The following MSRB3 variants were observed in gnomAD, a reference collection of about 807,000 sequenced individuals.
The protein encoded by MSRB3 is methionine sulfoxide reductase B3.
Under a neutral mutation model 21.0 loss-of-function variants are expected in MSRB3, and 13 were observed. The ratio of observed to expected loss-of-function variants is 0.62; its 90% CI spans 0.40 to 0.98. The LOEUF (loss-of-function observed/expected upper bound fraction) is 0.98. Among genes scored for constraint, MSRB3 ranks in the 50% least tolerant of loss-of-function variants. MSRB3 has a pLI of 0.00. For missense variants in MSRB3, 199 were observed against 230.3 expected, an observed-to-expected ratio of 0.86 and a Z score of 0.88; for synonymous variants, 87 against 88.6, an observed-to-expected ratio of 0.98 and a Z score of 0.10.
At chr12:65,445,591 G>A (rs867156473) in intron 5 of MSRB3, among the ~76,000 whole-genome samples, 24 of 150,492 alleles carry the variant, frequency 1.6e-4, no homozygotes, top group Middle Eastern at 6.8e-3. Context: ...GAGTCTATAG[G>A]TTTATGCTAA....
intron 5 of MSRB3, among the ~76,000 whole-genome samples, chr12:65,446,524 T>C (rs982912102): frequency 3.3e-5 from 5 of 152,162 alleles, no homozygotes; most frequent in Admixed American, 6.5e-5. Flanking sequence ...GTCTGCAGTT[T>C]ATTAAAAAAA....
At chr12:65,279,013 G>T in intron 1 of MSRB3, 148 bp downstream of exon 1, 1 of 1,459,906 alleles carries the variant, frequency 6.8e-7, no homozygotes, top group Non-Finnish European at 9.0e-7. Flanking sequence ...TGCCTCAGCC[G>T]AGAAGGGGAG....
At chr12:65,380,292 T>TG (rs796250504) in intron 5 of MSRB3, among the ~76,000 whole-genome samples, 6 of 152,234 alleles carry the variant, frequency 3.9e-5, no homozygotes, top group African/African-American at 1.4e-4. Context: ...GTATTTTTGT[T>TG]GGGGGGTCCT....
rs907260348 is a variant in MSRB3, at chr12:65,353,138, C to T, written c.264-15860C>T. 1.3e-5 allele frequency among the ~76,000 whole-genome samples: 2 copies of T among 152,162 alleles called. 1 individual carries two copies. Among genetic ancestry groups the T allele is most frequent in the South Asian group, 4.1e-4 (2 of 4,834 alleles). On this transcript the variant is annotated intron_variant, in intron 4 of 6. Transcript: ENST00000308259. Reference sequence around the variant, plus strand: ...TTTACATTTGGTGAGGAGTGCTTTGCTTCCAACTATGTGGTCAGTTTTGGA... The same window carrying T: ...TTTACATTTGGTGAGGAGTGCTTTGTTTCCAACTATGTGGTCAGTTTTGGA...
At chr12:65,310,930 G>T (rs933855869) in intron 2 of MSRB3, among the ~76,000 whole-genome samples, 4 of 152,310 alleles carry the variant, frequency 2.6e-5, no homozygotes, top group African/African-American at 7.2e-5. Flanking sequence ...GAATTAAATA[G>T]ATTGGGATGT....
At position 65,463,781 on chromosome 12, in the gene MSRB3, TG is replaced by T. The variant is rs1883439913; in HGVS notation, c.*460del. On this transcript the variant is annotated 3_prime_UTR_variant, in exon 7 of 7. Coordinates refer to ENST00000308259, the MANE Select transcript of MSRB3 (RefSeq NM_001031679.3). Reference sequence around the variant, plus strand: ...AGACCCACCTAAGATAAGGTTGGAGTGATGTTTTAATGAGACTGTTCAGCTT... The same window carrying T: ...AGACCCACCTAAGATAAGGTTGGAGTATGTTTTAATGAGACTGTTCAGCTT... 1.2e-5 allele frequency: 2 copies of T among 164,546 alleles called. No homozygotes were observed. Among genetic ancestry groups the T allele is most frequent in the African/African-American group, 4.8e-5 (2 of 41,322 alleles). 10.2% of individuals were successfully genotyped at this position (164,546 alleles called of 1,614,324 possible).
chr12:65,407,887 G>A (rs898975711), intron 5 of MSRB3, among the ~76,000 whole-genome samples: 3 of 151,262 alleles, frequency 2.0e-5, no homozygotes, highest in African/African-American at 7.3e-5. Flanking sequence ...TTGACTTCTG[G>A]CATTTTTCTT....
At chr12:65,350,118 A>T (rs553696126) in intron 4 of MSRB3, among the ~76,000 whole-genome samples, 14 of 151,680 alleles carry the variant, frequency 9.2e-5, no homozygotes, top group Non-Finnish European at 1.6e-4. Context: ...AGTTTCAGCT[A>T]TCTACATATG....
intron 2 of MSRB3, among the ~76,000 whole-genome samples, chr12:65,321,991 A>T (rs533159475): frequency 5.9e-5 from 9 of 152,286 alleles, no homozygotes; most frequent in African/African-American, 1.9e-4. Flanking sequence ...TCTAGAACCA[A>T]AATTAAAGTT....
chr12:65,428,598 A>G (rs548996915), intron 5 of MSRB3, among the ~76,000 whole-genome samples: 1 of 152,304 alleles, frequency 6.6e-6, no homozygotes, highest in Admixed American at 6.5e-5. Flanking sequence ...GTTTACAAAC[A>G]GGAGTACGAC....
intron 3 of MSRB3, 119 bp downstream of exon 3, chr12:65,327,053 G>T: frequency 2.7e-6 from 2 of 754,554 alleles, no homozygotes; most frequent in Non-Finnish European, 4.6e-6. Flanking sequence ...TAAAGTCTAT[G>T]AATTAGTATC....
At chr12:65,292,191 G>T (rs1872702608) in intron 1 of MSRB3, among the ~76,000 whole-genome samples, 1 of 152,150 alleles carries the variant, frequency 6.6e-6, no homozygotes, top group Non-Finnish European at 1.5e-5. Context: ...TGACTTCAGA[G>T]CGTTTGATAC....
At chr12:65,308,416 A>G in intron 1 of MSRB3, 113 bp from the exon 2 acceptor site, 1 of 1,368,626 alleles carries the variant, frequency 7.3e-7, no homozygotes, top group Non-Finnish European at 1.0e-6. Context: ...TATTAGCAGT[A>G]TGTGCATGTG....
chr12:65,462,123 G>A (rs368285549), intron 6 of MSRB3, among the ~76,000 whole-genome samples: 1 of 152,126 alleles, frequency 6.6e-6, no homozygotes, highest in Non-Finnish European at 1.5e-5. Context: ...ATTAATAAAC[G>A]AATGAATGGA....
At chr12:65,374,992 G>A (rs1592577545) in intron 5 of MSRB3, among the ~76,000 whole-genome samples, 1 of 149,966 alleles carries the variant, frequency 6.7e-6, no homozygotes, top group East Asian at 2.0e-4. Context: ...CGGGACTACA[G>A]GCACCCGCCA....
At chr12:65,398,943 T>A (rs543967046) in intron 5 of MSRB3, among the ~76,000 whole-genome samples, 1 of 152,274 alleles carries the variant, frequency 6.6e-6, no homozygotes, top group South Asian at 2.1e-4. Flanking sequence ...TTCTGAGGCC[T>A]CTGTTCTGTT....
At chr12:65,282,717 C>G (rs1046683607) in intron 1 of MSRB3, among the ~76,000 whole-genome samples, 2 of 144,462 alleles carry the variant, frequency 1.4e-5, no homozygotes, top group Admixed American at 1.4e-4. Context: ...GATGTGGCTG[C>G]TCAGCAGCTC....
In MSRB3 at chr12:65,427,442, T is replaced by G. The variant is rs188737588; in HGVS notation, c.293-26286T>G. ...TGGCAGTGAGGGTTTCTGAGTTTTC[T>G]ATGATAATGGCAGCTAAGGGCCTCC... On this transcript the variant is annotated intron_variant, in intron 5 of 6. Coordinates refer to ENST00000308259, the MANE Select transcript of MSRB3 (RefSeq NM_001031679.3). 1.6e-3 allele frequency among the ~76,000 whole-genome samples: 238 copies of G among 152,298 alleles called. 3 individuals carry two copies. The highest frequency in any genetic ancestry group is 2.6e-3 in the Non-Finnish European group (176 of 68,006).
chr12:65,398,988 C>T (rs1879968781), intron 5 of MSRB3, among the ~76,000 whole-genome samples: 1 of 152,128 alleles, frequency 6.6e-6, no homozygotes, highest in Non-Finnish European at 1.5e-5. Flanking sequence ...GTACCAGTAC[C>T]ATGCTGTTTT....
Sources: allele counts gnomAD v4.1 joint callset (sites outside exome capture counted in the v4.1 genomes callset), GRCh38; gene constraint gnomAD v4.1.1; transcripts MANE v1.5; gene names NCBI Gene and HGNC (gene_info 2026-07-23, HGNC 2026-07-21).